DPY19L2: variants seen among roughly 807,000 people sequenced by gnomAD.
DPY19L2 encodes dpy-19 like 2, also known as probable C-mannosyltransferase DPY19L2.
In DPY19L2, 34 loss-of-function variants were observed where a neutral mutation model predicts 97.9. The observed-to-expected ratio is 0.35, with a 90% CI of 0.26 to 0.46. The LOEUF (loss-of-function observed/expected upper bound fraction) is 0.46, where lower values mean the gene tolerates loss of function less well. Ranked by LOEUF, DPY19L2 falls within the 20% of genes least tolerant of loss-of-function variation. The pLI, the probability that DPY19L2 is intolerant of heterozygous loss-of-function variation, is 1.00. For missense variants in DPY19L2, 623 were observed against 911.4 expected (o/e 0.68, Z 4.07); for synonymous variants, 230 against 307.9 (o/e 0.75, Z 2.65).
At chr12:63,635,163 G>A (rs1348207438) in intron 6 of DPY19L2, among the ~76,000 whole-genome samples, 5 of 152,144 alleles carry the variant, frequency 3.3e-5, no homozygotes, top group East Asian at 1.9e-4. Context: ...TGATACCAAC[G>A]CAAACAGGGT....
chr12:63,655,724 T>C (rs184515207), intron 4 of DPY19L2, among the ~76,000 whole-genome samples: 2 of 145,658 alleles, frequency 1.4e-5, no homozygotes, highest in African/African-American at 2.6e-5. Context: ...GTAAGACTTA[T>C]AGGGGAGATA....
intron 5 of DPY19L2, among the ~76,000 whole-genome samples, chr12:63,644,950 T>A (rs1290114659): frequency 1.3e-5 from 2 of 152,160 alleles, no homozygotes; most frequent in African/African-American, 4.8e-5. Flanking sequence ...ATTATTTTTA[T>A]CTTTTGCTAG....
chr12:63,574,145 A>G (rs903543879), intron 19 of DPY19L2, among the ~76,000 whole-genome samples: 4 of 152,086 alleles, frequency 2.6e-5, no homozygotes, highest in African/African-American at 9.7e-5. Context: ...TAAGATATAA[A>G]TAGAAACAAG....
intron 11 of DPY19L2, among the ~76,000 whole-genome samples, chr12:63,614,382 G>A (rs1887520458): frequency 6.6e-6 from 1 of 151,872 alleles, no homozygotes; most frequent in Non-Finnish European, 1.5e-5. Context: ...CATAAAGACT[G>A]GTGATAAATA....
At chr12:63,616,072 A>G (rs938220472) in intron 11 of DPY19L2, among the ~76,000 whole-genome samples, 1 of 152,160 alleles carries the variant, frequency 6.6e-6, no homozygotes, top group African/African-American at 2.4e-5. Context: ...ATGTACATAG[A>G]TTATATGCAA....
chr12:63,643,863 G>C lies in DPY19L2; in HGVS notation c.803+540C>G, dbSNP rs146134461. ...ACTTAGTTTTCATTGGCAAAAACTA[G>C]CTGATATGGCTATCTCAGGGAGCAA... On this transcript the variant is annotated intron_variant, in intron 6 of 21. Transcript: ENST00000324472. Among the ~76,000 whole-genome samples, 730 of 152,224 alleles carry C rather than the reference G, an allele frequency of 4.8e-3. 7 individuals are homozygous for C. Among genetic ancestry groups the C allele is most frequent in the African/African-American group, 0.017 (696 of 41,536 alleles).
At position 63,560,034 on chromosome 12, in the gene DPY19L2, C is replaced by G. The variant is rs1282306389; in HGVS notation, c.*478G>C. The stretch of plus-strand genomic sequence containing the variant: ...AAACACCTTAAAAGACACACTGTTA[C>G]AATTTCCTCACAGAGGTAAAGAGGC... On this transcript the variant is annotated 3_prime_UTR_variant, in exon 22 of 22. Coordinates refer to ENST00000324472, the MANE Select transcript of DPY19L2 (RefSeq NM_173812.5). 6.6e-6 allele frequency: 1 copy of G among 152,544 alleles called. No individual in the cohort carries two copies. The highest frequency in any genetic ancestry group is 2.4e-5 in the African/African-American group (1 of 41,424). The allele number at this position is 152,544 out of a possible 1,614,324, so 9.4% of individuals were successfully genotyped here. A position where few individuals can be genotyped will look rare whatever the true frequency, so the allele number is the denominator to read the frequency against.
chr12:63,646,250 T>A (rs932558333), intron 5 of DPY19L2, among the ~76,000 whole-genome samples: 71 of 152,278 alleles, frequency 4.7e-4, no homozygotes, highest in African/African-American at 1.6e-3. Context: ...TATCACTTAT[T>A]GGGAATGTAA....
At chr12:63,590,113 AAAAACAAAAC>A (rs1260121064) in intron 16 of DPY19L2, among the ~76,000 whole-genome samples, 1 of 151,494 alleles carries the variant, frequency 6.6e-6, no homozygotes, top group Non-Finnish European at 1.5e-5. Context: ...GCGAGACAAA[AAAAACAAAAC>A]AAAACAAAAC....
At chr12:63,604,698 T>TA (rs914687848) in intron 12 of DPY19L2, among the ~76,000 whole-genome samples, 68 of 150,800 alleles carry the variant, frequency 4.5e-4, no homozygotes, top group African/African-American at 1.1e-3. Context: ...TGTTCTTTCT[T>TA]AAAAAAAAAA....
At chr12:63,654,748 A>T (rs1894738943) in intron 4 of DPY19L2, among the ~76,000 whole-genome samples, 1 of 152,164 alleles carries the variant, frequency 6.6e-6, no homozygotes, top group South Asian at 2.1e-4. Flanking sequence ...AGAAAAAGTC[A>T]TCGTTAAATT....
intron 6 of DPY19L2, among the ~76,000 whole-genome samples, chr12:63,634,866 C>A (rs1891386663): frequency 6.6e-6 from 1 of 152,192 alleles, no homozygotes; most frequent in African/African-American, 2.4e-5. Flanking sequence ...CAGGACGTTG[C>A]CAAACAAAAG....
At chr12:63,584,325 T>G (rs1448533289) in intron 16 of DPY19L2, among the ~76,000 whole-genome samples, 1 of 152,076 alleles carries the variant, frequency 6.6e-6, no homozygotes, top group African/African-American at 2.4e-5. Flanking sequence ...TAAATATTTT[T>G]AGTTTCAGAA....
intron 20 of DPY19L2, 129 bp downstream of exon 20, chr12:63,570,629 A>T: frequency 1.0e-6 from 1 of 971,488 alleles, no homozygotes; most frequent in South Asian, 1.8e-5. Context: ...AACTTCCAGT[A>T]TGAAAATGAG....
At chr12:63,628,899 G>C (rs1429812096) in intron 6 of DPY19L2, among the ~76,000 whole-genome samples, 2 of 151,412 alleles carry the variant, frequency 1.3e-5, no homozygotes, top group East Asian at 3.9e-4. Context: ...AGCAACATTT[G>C]CTGTTCACCA....
chr12:63,645,663 C>T lies in DPY19L2; in HGVS notation c.710-1167G>A, dbSNP rs2138140517. 2.0e-5 allele frequency among the ~76,000 whole-genome samples: 3 copies of T among 152,254 alleles called. 1 individual carries two copies. In the South Asian group the frequency reaches 6.2e-4, roughly 32 times the overall value. On this transcript the variant is annotated intron_variant, in intron 5 of 21. Transcript: ENST00000324472. ...AAGCTAGAAACCAAACTATGTTTCACATGATTCTTCACTCACCTTCTCCTC... is the reference window on the plus strand; with the variant it reads ...AAGCTAGAAACCAAACTATGTTTCATATGATTCTTCACTCACCTTCTCCTC...
At chr12:63,572,319 G>T (rs1028668133) in intron 19 of DPY19L2, among the ~76,000 whole-genome samples, 2 of 152,164 alleles carry the variant, frequency 1.3e-5, no homozygotes, top group African/African-American at 4.8e-5. Context: ...TGGTGGAAAT[G>T]AGGAGAGACC....
chr12:63,630,484 T>C (rs185717944), intron 6 of DPY19L2, among the ~76,000 whole-genome samples: 2,058 of 152,062 alleles, frequency 0.014, 32 homozygotes, highest in Middle Eastern at 0.027. Flanking sequence ...AATTATATAA[T>C]GGTAAAGGGA....
chr12:63,580,784 A>T lies in DPY19L2; in HGVS notation c.1778T>A (p.Ile593Asn). 1 of 1,613,632 alleles carries T rather than the reference A, an allele frequency of 6.2e-7. No individual in the cohort carries two copies. Among genetic ancestry groups the T allele is most frequent in the Non-Finnish European group, 8.5e-7 (1 of 1,179,684 alleles). The stretch of plus-strand genomic sequence containing the variant: ...ACCTTGTATTGACATCACTGTTAAA[A>T]TGCCAAAGATAACCTTCTCAAAACG... ...RVRFEKVIFG[I>N]LTVMSIQGYA... The change falls in exon 19 of 22, where the codon ATT becomes AAT. Residue 593 changes from isoleucine (I) to asparagine (N), a missense_variant. Around this residue, in one of 6 missense-constraint regions of DPY19L2, gnomAD observed 294 missense variants for 446.2 expected, o/e 0.66. Coordinates refer to ENST00000324472, the MANE Select transcript of DPY19L2 (RefSeq NM_173812.5).
Sources: allele counts gnomAD v4.1 joint callset (sites outside exome capture counted in the v4.1 genomes callset), GRCh38; gene constraint gnomAD v4.1.1; regional missense constraint gnomAD v4.1.1; transcripts MANE v1.5; gene names NCBI Gene and HGNC (gene_info 2026-07-23, HGNC 2026-07-21).